The following ADAMTS1 variants were observed in gnomAD, a reference collection of about 807,000 sequenced individuals.
ADAMTS1 encodes the protein ADAM metallopeptidase with thrombospondin type 1 motif 1, also known as A disintegrin and metalloproteinase with thrombospondin motifs 1.
ADAMTS1 carries 19 observed loss-of-function variants against 87.9 expected under a neutral mutation model. That is an observed-to-expected ratio of 0.22 (90% CI 0.15 to 0.32). The LOEUF (loss-of-function observed/expected upper bound fraction) is 0.32. Ranked by LOEUF, ADAMTS1 falls within the 10% of genes least tolerant of loss-of-function variation. ADAMTS1 has a pLI of 1.00. For synonymous variants in ADAMTS1, 542 were observed against 501.8 expected (o/e 1.08, Z -1.07); for missense variants, 1,240 against 1,259.1 (o/e 0.98, Z 0.23).
At chr21:26,841,272 A>T (rs938788429) in intron 3 of ADAMTS1, 107 bp from the exon 4 acceptor site, 45 of 1,204,630 alleles carry the variant, frequency 3.7e-5, no homozygotes, top group Non-Finnish European at 5.1e-5. Context: ...TGAGGTCAGG[A>T]GTTCAAGACC....
rs1363468268 is a variant in ADAMTS1, at chr21:26,837,473, A to C, written c.*106T>G. 3 of 951,386 alleles carry C rather than the reference A, an allele frequency of 3.2e-6. No homozygotes were observed. The highest frequency in any genetic ancestry group is 5.0e-5 in the East Asian group (2 of 39,920). The allele number at this position is 951,386 out of a possible 1,614,324, so 58.9% of individuals were successfully genotyped here. On this transcript the variant is annotated 3_prime_UTR_variant, in exon 9 of 9. Coordinates refer to ENST00000284984, the MANE Select transcript of ADAMTS1 (RefSeq NM_006988.5). ...TAATCCCACCTTACTGATACACCTC[A>C]CTGGTTACTGGCAAGATACGCTGGA...
chr21:26,844,571 G>C lies in ADAMTS1; in HGVS notation c.384C>G (p.Thr128=), dbSNP rs564109320. ...CAGCCGAGCTGGGATCGCCATTCACGGTGCCGGAGTAGAAGCAGTGCGCCA... is the reference window on the plus strand; with the variant it reads ...CAGCCGAGCTGGGATCGCCATTCACCGTGCCGGAGTAGAAGCAGTGCGCCA... ...TDLAHCFYSG[T]VNGDPSSAAA... Residue 128 remains threonine, a synonymous_variant, in exon 1 of 9, where the codon ACC becomes ACG. Transcript: ENST00000284984. 3.2e-5 allele frequency: 52 copies of C among 1,610,864 alleles called. No individual in the cohort carries two copies. The highest frequency in any genetic ancestry group is 1.8e-4 in the East Asian group (8 of 44,770).
rs1985378459 is a variant in ADAMTS1, at chr21:26,837,005, T to TTTC, written c.*571_*573dup. The TTTC allele has an allele frequency of 6.6e-6, 1 of 152,576 alleles. No individual in the cohort carries two copies. Among genetic ancestry groups the TTTC allele is most frequent in the Non-Finnish European group, 1.5e-5 (1 of 68,348 alleles). 9.5% of individuals were successfully genotyped at this position (152,576 alleles called of 1,614,324 possible). A position where few individuals can be genotyped will look rare whatever the true frequency, so the allele number is the denominator to read the frequency against. On this transcript the variant is annotated 3_prime_UTR_variant, in exon 9 of 9. Coordinates refer to ENST00000284984, the MANE Select transcript of ADAMTS1 (RefSeq NM_006988.5). The stretch of plus-strand genomic sequence containing the variant: ...TTGCGTTATTTCACGTTGCTGAGCC[T>TTTC]TTCTCTCATGTTGAACAATCTGAAG...
chr21:26,841,177 T>A lies in ADAMTS1; in HGVS notation c.1211-12A>T, dbSNP rs1219033987. ...GTTAAACACGTGGCCTAGGAAGCAA[T>A]CCAGAACCCACATTAAAGTATGGAT... On this transcript the variant is annotated splice_polypyrimidine_tract_variant and intron_variant, in intron 3 of 8. Transcript: ENST00000284984. 3.1e-6 allele frequency: 5 copies of A among 1,612,850 alleles called. No individual in the cohort carries two copies. The highest frequency in any genetic ancestry group is 2.5e-6 in the Non-Finnish European group (3 of 1,179,208).
Position 26,839,597 on chromosome 21 carries a change from A to G in ADAMTS1, c.2018T>C (p.Leu673Ser). 6.3e-7 allele frequency: 1 copy of G among 1,599,848 alleles called. No individual in the cohort carries two copies. Among genetic ancestry groups the G allele is most frequent in the South Asian group, 1.1e-5 (1 of 90,160 alleles). The stretch of plus-strand genomic sequence containing the variant: ...GTAAAAACGAACTACCTTGGGCTGC[A>G]AAACGAAGAAGTAGCCAATGCCTTT... ...QAKGIGYFFV[L>S]QPKVVDGTPC... Residue 673 changes from leucine (L) to serine (S), a missense_variant, in exon 7 of 9, where the codon TTG (leucine) becomes TCG (serine). By Grantham distance (145) the Leu-to-Ser change is moderately radical. Transcript: ENST00000284984.
At position 26,838,396 on chromosome 21, in the gene ADAMTS1, C is replaced by A. The variant is rs777033530; in HGVS notation, c.2204+43G>T. The A allele has an allele frequency of 5.6e-6, 9 of 1,607,616 alleles. No homozygotes were observed. The African/African-American group carries it at 1.2e-4, about 22-fold the overall frequency. On this transcript the variant is annotated intron_variant, in intron 8 of 8. Transcript: ENST00000284984. ...TTTTTCCCAGACCTGTTGAAAGGCC[C>A]ATTTAAATTATAAGGTCTGCAAATA...
intron 3 of ADAMTS1, chr21:26,841,469 A>T (rs1425157606): frequency 3.6e-6 from 1 of 274,236 alleles, no homozygotes; most frequent in Non-Finnish European, 6.8e-6. Flanking sequence ...ACAGAGTGAG[A>T]CTCCATCTCA....
chr21:26,838,998 T>C (rs73898800), intron 7 of ADAMTS1: 2,831 of 177,572 alleles, frequency 0.016, 100 homozygotes, highest in African/African-American at 0.062. Flanking sequence ...AATATTTTCA[T>C]AGCCTATGGT....
Position 26,842,670 on chromosome 21 carries a change from C to G in ADAMTS1, c.746G>C (p.Arg249Thr). The G allele has an allele frequency of 6.2e-7, 1 of 1,612,632 alleles. No individual in the cohort carries two copies. Among genetic ancestry groups the G allele is most frequent in the Non-Finnish European group, 8.5e-7 (1 of 1,179,440 alleles). ...VGQPTGTGSI[R>T]KKRFVSSHRY... ...GTGACTGGACACAAATCGCTTCTTT[C>G]TTATGCTTCCAGTTCCTGTAAAGAA... The change falls in exon 2 of 9, where the codon AGA becomes ACA. Residue 249 changes from arginine (R) to threonine (T), a missense_variant. Arg to Thr is a moderately conservative substitution (Grantham distance 71, BLOSUM62 -1). Around this residue, in one of 3 missense-constraint regions of ADAMTS1, gnomAD observed 521 missense variants for 449.7 expected, o/e 1.16. Coordinates refer to ENST00000284984, the MANE Select transcript of ADAMTS1 (RefSeq NM_006988.5).
rs1985360761 is a variant in ADAMTS1 at position 26,836,211 on chromosome 21, G to GTCT, written c.*1365_*1367dup. ...CCAAATAATTTAAGAAAATAATTCG[G>GTCT]TCTTCAGATTCAATATTTGTGCCTC... On this transcript the variant is annotated 3_prime_UTR_variant, in exon 9 of 9. Transcript: ENST00000284984. 1 of 152,036 alleles carries GTCT rather than the reference G, an allele frequency of 6.6e-6. No homozygotes were observed. The highest frequency in any genetic ancestry group is 2.4e-5 in the African/African-American group (1 of 41,380). The allele number at this position is 152,036 out of a possible 1,614,324, so 9.4% of individuals were successfully genotyped here. A position where few individuals can be genotyped will look rare whatever the true frequency, so the allele number is the denominator to read the frequency against.
Position 26,845,111 on chromosome 21 carries a change from C to A in ADAMTS1, c.-157G>T, listed in dbSNP as rs1985595497. The A allele has an allele frequency of 2.8e-6, 3 of 1,077,714 alleles. No homozygotes were observed. In the South Asian group the frequency reaches 1.1e-4, roughly 40 times the overall value. The allele number at this position is 1,077,714 out of a possible 1,614,324, so 66.8% of individuals were successfully genotyped here. Reference sequence around the variant, plus strand: ...CGCGCAGAGCCGGCTACAGCCGAAGCTCCCGGAGTCACTAAAAGGAGGCGC... The same window carrying A: ...CGCGCAGAGCCGGCTACAGCCGAAGATCCCGGAGTCACTAAAAGGAGGCGC... On this transcript the variant is annotated 5_prime_UTR_variant, in exon 1 of 9. Transcript: ENST00000284984.
chr21:26,838,254 T>A lies in ADAMTS1; in HGVS notation c.2229A>T (p.Thr743=), dbSNP rs1985417047. 6.2e-7 allele frequency: 1 copy of A among 1,610,330 alleles called. No homozygotes were observed. The highest frequency in any genetic ancestry group is 1.3e-5 in the African/African-American group (1 of 74,822). The change falls in exon 9 of 9, where the codon ACA becomes ACT. Residue 743 remains threonine (T), a synonymous_variant. Transcript: ENST00000284984. ...CGATGTTGGTGGCTCCAGTTGGAAT[T>A]GTGATGATATCATGATATCCAGGTC... ...SAKPGYHDII[T]IPTGATNIEV...
chr21:26,840,940 T>C, intron 4 of ADAMTS1, 58 bp downstream of exon 4: 1 of 1,553,924 alleles, frequency 6.4e-7, no homozygotes, highest in South Asian at 1.2e-5. Context: ...TTCATTTAAC[T>C]AAACTTTATG....
chr21:26,840,973 A>G, intron 4 of ADAMTS1, 25 bp downstream of exon 4: 1 of 1,606,602 alleles, frequency 6.2e-7, no homozygotes, highest in South Asian at 1.1e-5. Context: ...GATGCCATCT[A>G]GAGAGAGTAG....
Position 26,837,726 on chromosome 21 carries a change from T to C in ADAMTS1, c.2757A>G (p.Ser919=), listed in dbSNP as rs1396577191. ...AACCCTTCCCACAGGTCTTAGAACA[T>C]GATGACCACTCCCCCAGCTGCCACT... ...CPQWQLGEWS[S]CSKTCGKGYK... The change falls in exon 9 of 9, where the codon TCA becomes TCG. Residue 919 remains serine (S), a synonymous_variant. Coordinates refer to ENST00000284984, the MANE Select transcript of ADAMTS1 (RefSeq NM_006988.5). 6.2e-7 allele frequency: 1 copy of C among 1,614,178 alleles called. No homozygotes were observed.
rs1985384535 is a variant in ADAMTS1, at chr21:26,837,255, T to C, written c.*324A>G. On this transcript the variant is annotated 3_prime_UTR_variant, in exon 9 of 9. Transcript: ENST00000284984. The stretch of plus-strand genomic sequence containing the variant: ...CAGGAAACAGGGGTTGTAATAGTTC[T>C]AACTTTTTTTGACAATTGCTTTGTT... 1 of 240,072 alleles carries C rather than the reference T, an allele frequency of 4.2e-6. No homozygotes were observed. The highest frequency in any genetic ancestry group is 8.1e-6 in the Non-Finnish European group (1 of 123,058). The allele number at this position is 240,072 out of a possible 1,614,324, so 14.9% of individuals were successfully genotyped here.
In ADAMTS1 at chr21:26,842,478, T is replaced by C. The variant is rs1252878723; in HGVS notation, c.938A>G (p.His313Arg). 3.7e-6 allele frequency: 6 copies of C among 1,613,932 alleles called. No homozygotes were observed. The Admixed American group carries it at 6.7e-5, about 18-fold the overall frequency. ...SLVVVKILVI[H>R]DEQKGPEVTS... Reference sequence around the variant, plus strand: ...CACTTCCGGCCCCTTCTGTTCATCGTGGATGACCAAGATCTTCACCACCAC... The same window carrying C: ...CACTTCCGGCCCCTTCTGTTCATCGCGGATGACCAAGATCTTCACCACCAC... The change falls in exon 2 of 9, where the codon CAC (histidine) becomes CGC (arginine). Residue 313 changes from histidine (H) to arginine (R), a missense_variant. His to Arg is a conservative substitution (Grantham distance 29). Transcript: ENST00000284984.
At position 26,835,926 on chromosome 21, in the gene ADAMTS1, C is replaced by A. The variant is rs1308943278; in HGVS notation, c.*1653G>T. 1 of 152,126 alleles carries A rather than the reference C, an allele frequency of 6.6e-6. No individual in the cohort carries two copies. Among genetic ancestry groups the A allele is most frequent in the Non-Finnish European group, 1.5e-5 (1 of 68,036 alleles). 9.4% of individuals were successfully genotyped at this position (152,126 alleles called of 1,614,324 possible). On this transcript the variant is annotated 3_prime_UTR_variant, in exon 9 of 9. Coordinates refer to ENST00000284984, the MANE Select transcript of ADAMTS1 (RefSeq NM_006988.5). ...TTTGTGCTACAACAGCACAGTTGAG[C>A]AGTTGTGACATAGATGGTATTGACA...
chr21:26,837,641 A>C lies in ADAMTS1; in HGVS notation c.2842T>G (p.Cys948Gly), dbSNP rs780855045. 1.9e-6 allele frequency: 3 copies of C among 1,614,214 alleles called. No homozygotes were observed. Among genetic ancestry groups the C allele is most frequent in the Non-Finnish European group, 2.5e-6 (3 of 1,180,050 alleles). Residue 948 changes from cysteine (C) to glycine (G), a missense_variant, in exon 9 of 9, where the codon TGT becomes GGT. Transcript: ENST00000284984. ...TGTTTAGGTTTCTTTAAAGGATCAC[A>C]GCTCTCATGAGATAACACCCCTCCA... The part of the protein sequence containing the change: ...HDGGVLSHES[C>G]DPLKKPKHFI...
Sources: gnomAD v4.1 joint callset for allele counts on GRCh38, gnomAD v4.1.1 for gene constraint, gnomAD v4.1.1 regional missense constraint, MANE v1.5 for transcripts, NCBI Gene and HGNC (gene_info 2026-07-23, HGNC 2026-07-21) for gene names.